FBXO31: variants seen among roughly 807,000 people sequenced by gnomAD.
FBXO31 encodes the protein F-box only protein 31.
Under a neutral mutation model 54.4 loss-of-function variants are expected in FBXO31, and 24 were observed. That is an observed-to-expected ratio of 0.44 (90% CI 0.32 to 0.62). The LOEUF (loss-of-function observed/expected upper bound fraction) is 0.62. Among genes scored for constraint, FBXO31 ranks in the 20% least tolerant of loss-of-function variants. The pLI is 0.05. For synonymous variants in FBXO31, 388 were observed against 335.6 expected (o/e 1.16, Z -1.71); for missense variants, 665 against 787.1 (o/e 0.84, Z 1.86).
rs1904789364 is a variant in FBXO31 at position 87,329,938 on chromosome 16, C to G, written c.*1350G>C. 1 of 152,348 alleles carries G rather than the reference C, an allele frequency of 6.6e-6. No homozygotes were observed. Among genetic ancestry groups the G allele is most frequent in the Non-Finnish European group, 1.5e-5 (1 of 68,102 alleles). 9.4% of individuals were successfully genotyped at this position (152,348 alleles called of 1,614,324 possible). On this transcript the variant is annotated 3_prime_UTR_variant, in exon 9 of 9. Transcript: ENST00000311635. ...TTTCCCAGGACATCCTCAGGTTGGTCTCCACACCAAGGCACACAGACTGTC... is the reference window on the plus strand; with the variant it reads ...TTTCCCAGGACATCCTCAGGTTGGTGTCCACACCAAGGCACACAGACTGTC...
chr16:87,359,230 G>T (rs1185023627), intron 2 of FBXO31, among the ~76,000 whole-genome samples: 1 of 152,222 alleles, frequency 6.6e-6, no homozygotes, highest in Non-Finnish European at 1.5e-5. Context: ...GCAGTGAAAA[G>T]AAATCTCCCA....
At chr16:87,350,375 G>C (rs1318203155) in intron 2 of FBXO31, among the ~76,000 whole-genome samples, 7 of 152,206 alleles carry the variant, frequency 4.6e-5, no homozygotes, top group Non-Finnish European at 1.5e-5. Flanking sequence ...AGCCCCGGCT[G>C]TGTGCAGGCT....
intron 1 of FBXO31, chr16:87,389,532 C>A (rs1907447357): frequency 6.6e-6 from 1 of 152,188 alleles, no homozygotes; most frequent in South Asian, 2.1e-4. Context: ...TTTTTCCCTT[C>A]TTCTTGCATT....
chr16:87,343,057 C>T, intron 4 of FBXO31, 106 bp from the exon 5 acceptor site: 5 of 916,104 alleles, frequency 5.5e-6, no homozygotes, highest in Middle Eastern at 2.4e-4. Flanking sequence ...CCACACCCAC[C>T]AAACCCCACT....
rs115476411 is a variant in FBXO31, at chr16:87,372,649, C to T, written c.340+10756G>A. ...GATCGCAGGTCACTGCAGACTCAAA[C>T]TCCTGGGCTCATGTGATTCTCCCAC... is the stretch of plus-strand genomic sequence containing the variant. On this transcript the variant is annotated intron_variant, in intron 1 of 8. Transcript: ENST00000311635. Among the ~76,000 whole-genome samples, 1,323 of 152,204 alleles carry T rather than the reference C, an allele frequency of 8.7e-3. 14 individuals carry two copies. The highest frequency in any genetic ancestry group is 0.03 in the African/African-American group (1,226 of 41,490).
Position 87,345,967 on chromosome 16 carries a change from C to T in FBXO31, c.489+1207G>A, listed in dbSNP as rs1905367545. ...GCTGCACACAGGCAGTTGCACGAGG[C>T]ACCTGCGGAATCCTGAGTGAGGGGT... On this transcript the variant is annotated intron_variant, in intron 3 of 8. Coordinates refer to ENST00000311635, the MANE Select transcript of FBXO31 (RefSeq NM_024735.5). The surrounding 1 kb of genome is among the most constrained non-coding windows in gnomAD (Gnocchi z 4.9). 1.3e-5 allele frequency among the ~76,000 whole-genome samples: 2 copies of T among 152,172 alleles called. No individual in the cohort carries two copies. Among genetic ancestry groups the T allele is most frequent in the Admixed American group, 6.5e-5 (1 of 15,276 alleles).
At chr16:87,361,382 G>A (rs569558973) in intron 1 of FBXO31, among the ~76,000 whole-genome samples, 33 of 152,352 alleles carry the variant, frequency 2.2e-4, no homozygotes, top group African/African-American at 7.7e-4. Flanking sequence ...TGAGAATGTG[G>A]CAGGGGCACA....
chr16:87,346,767 G>T lies in FBXO31; in HGVS notation c.489+407C>A, dbSNP rs529022001. Among the ~76,000 whole-genome samples, 12 of 152,294 alleles carry T rather than the reference G, an allele frequency of 7.9e-5. No individual in the cohort carries two copies. The highest frequency in any genetic ancestry group is 6.5e-4 in the Admixed American group (10 of 15,300). ...GCGGGAGGCAGGGTGGTCAGAGCGGGTCCACAGCAGAACCCAAGGAAACAG... is the reference window on the plus strand; with the variant it reads ...GCGGGAGGCAGGGTGGTCAGAGCGGTTCCACAGCAGAACCCAAGGAAACAG... On this transcript the variant is annotated intron_variant, in intron 3 of 8. Transcript: ENST00000311635. The surrounding 1 kb of genome is among the most constrained non-coding windows in gnomAD (Gnocchi z 4.2).
intron 1 of FBXO31, chr16:87,389,551 T>C (rs1194981939): frequency 2.0e-5 from 3 of 152,158 alleles, no homozygotes; most frequent in Non-Finnish European, 2.9e-5. Flanking sequence ...TTTGGAACAG[T>C]TGTCCAGCAA....
Position 87,333,936 on chromosome 16 carries a change from G to C in FBXO31, c.1347C>G (p.Pro449=), listed in dbSNP as rs553318316. The change falls in exon 8 of 9, where the codon CCC becomes CCG. Residue 449 remains proline, a synonymous_variant. Transcript: ENST00000311635. ...CCTCATTCCTGGAGCTCACGCCCAC[G>C]GGCAGCACGAACGGCTGCCCCTGCC... ...QCGQGQPFVL[P]VGVSSRNEDY... 6.2e-7 allele frequency: 1 copy of C among 1,611,992 alleles called. No homozygotes were observed. The highest frequency in any genetic ancestry group is 1.3e-5 in the African/African-American group (1 of 75,026).
intron 1 of FBXO31, among the ~76,000 whole-genome samples, chr16:87,374,851 A>G (rs137979997): frequency 2.0e-5 from 3 of 152,362 alleles, no homozygotes; most frequent in Non-Finnish European, 2.9e-5. Context: ...TTTCCAAAGC[A>G]TATCAGCTTT....
chr16:87,343,560 C>G (rs1418007909), intron 4 of FBXO31, 38 bp downstream of exon 4: 3 of 1,562,612 alleles, frequency 1.9e-6, no homozygotes, highest in Non-Finnish European at 2.6e-6. Context: ...CAGGACAGCC[C>G]TGGGACAGTG....
At chr16:87,364,818 T>TA (rs1906283676) in intron 1 of FBXO31, among the ~76,000 whole-genome samples, 10 of 150,880 alleles carry the variant, frequency 6.6e-5, no homozygotes, top group Non-Finnish European at 1.5e-5. Context: ...GCTCAGGAGT[T>TA]AGAGACCAGC....
At chr16:87,367,106 G>A (rs1906401994) in intron 1 of FBXO31, 1 of 152,102 alleles carries the variant, frequency 6.6e-6, no homozygotes, top group Admixed American at 6.6e-5. Context: ...GGAGTTCAAG[G>A]CTGCTGTGAG....
intron 1 of FBXO31, among the ~76,000 whole-genome samples, chr16:87,382,590 T>A (rs1907127750): frequency 2.0e-5 from 3 of 152,152 alleles, no homozygotes; most frequent in African/African-American, 4.8e-5. Context: ...GCCCCCACCA[T>A]CAGGAGCCCC....
chr16:87,342,216 A>G (rs1038456626), intron 5 of FBXO31, among the ~76,000 whole-genome samples: 1 of 151,888 alleles, frequency 6.6e-6, no homozygotes, highest in Non-Finnish European at 1.5e-5. Flanking sequence ...CACCATACCC[A>G]GCTAATATTT....
intron 2 of FBXO31, among the ~76,000 whole-genome samples, chr16:87,347,557 G>A (rs1015249515): frequency 2.6e-5 from 4 of 151,918 alleles, no homozygotes; most frequent in African/African-American, 9.7e-5. Flanking sequence ...GCGGGTGCCT[G>A]TAGTCCCAGC....
rs917277400 is a variant in FBXO31, at chr16:87,345,753, G to C, written c.489+1421C>G. ...CGAGGACCCAAGGCCCTGAAGAGAA[G>C]GGACAGGCTGAGAGGCGAGGGGCAG... is the stretch of plus-strand genomic sequence containing the variant. On this transcript the variant is annotated intron_variant, in intron 3 of 8. Coordinates refer to ENST00000311635, the MANE Select transcript of FBXO31 (RefSeq NM_024735.5). The surrounding 1 kb of genome is among the most constrained non-coding windows in gnomAD (Gnocchi z 4.9). Among the ~76,000 whole-genome samples, 22 of 152,244 alleles carry C rather than the reference G, an allele frequency of 1.4e-4. No homozygotes were observed. The highest frequency in any genetic ancestry group is 5.1e-4 in the African/African-American group (21 of 41,468).
At chr16:87,361,991 T>G (rs1047984537) in intron 1 of FBXO31, among the ~76,000 whole-genome samples, 1 of 152,188 alleles carries the variant, frequency 6.6e-6, no homozygotes, top group African/African-American at 2.4e-5. Context: ...TAGGCTCCAG[T>G]GAGGAGTGCC....
Sources: allele counts gnomAD v4.1 joint callset (sites outside exome capture counted in the v4.1 genomes callset), GRCh38; gene constraint gnomAD v4.1.1; non-coding constraint Gnocchi (gnomAD v3.1); transcripts MANE v1.5; gene names NCBI Gene and HGNC (gene_info 2026-07-23, HGNC 2026-07-21).